DPYD: variants seen among roughly 807,000 people sequenced by gnomAD.
The protein encoded by DPYD is dihydropyrimidine dehydrogenase, also known as dihydropyrimidine dehydrogenase [NADP(+)].
DPYD carries 109 observed loss-of-function variants against 116.2 expected under a neutral mutation model. The ratio of observed to expected loss-of-function variants is 0.94; its 90% CI spans 0.80 to 1.10. The LOEUF is 1.10. Ranked by LOEUF, DPYD falls within the 50% of genes least tolerant of loss-of-function variation. DPYD has a pLI of 0.00. For missense variants in DPYD, 1,302 were observed against 1,254.5 expected, an observed-to-expected ratio of 1.04 and a Z score of -0.57; for synonymous variants, 440 against 432.0, an observed-to-expected ratio of 1.02 and a Z score of -0.23.
chr1:97,665,871 A>G (rs1659529648), intron 8 of DPYD, among the ~76,000 whole-genome samples: 1 of 152,162 alleles, frequency 6.6e-6, no homozygotes, highest in African/African-American at 2.4e-5. Flanking sequence ...TATGCTCTGG[A>G]TGGCTTTTTG....
At chr1:97,524,033 T>C (rs769260221) in intron 12 of DPYD, among the ~76,000 whole-genome samples, 2 of 150,578 alleles carry the variant, frequency 1.3e-5, no homozygotes, top group African/African-American at 2.5e-5. Flanking sequence ...AAAAAAAAAG[T>C]CTAGTAAGCC....
intron 18 of DPYD, among the ~76,000 whole-genome samples, chr1:97,237,942 G>A (rs1472995658): frequency 1.3e-5 from 2 of 152,010 alleles, no homozygotes; most frequent in African/African-American, 4.8e-5. Flanking sequence ...ACAGTAAGGG[G>A]TAAAATTTCA....
chr1:97,821,095 C>T (rs1446391609), intron 3 of DPYD, among the ~76,000 whole-genome samples: 3 of 151,986 alleles, frequency 2.0e-5, no homozygotes, highest in African/African-American at 7.2e-5. Flanking sequence ...ACATTGGAGG[C>T]CGAGGAGGGC....
At chr1:97,200,026 T>A (rs1000113238) in intron 19 of DPYD, among the ~76,000 whole-genome samples, 1 of 152,190 alleles carries the variant, frequency 6.6e-6, no homozygotes, top group Non-Finnish European at 1.5e-5. Context: ...ATTAAAAATA[T>A]TTATCCCAGG....
chr1:97,350,502 C>G, intron 16 of DPYD, among the ~76,000 whole-genome samples: 1 of 152,086 alleles, frequency 6.6e-6, no homozygotes. Flanking sequence ...TCCCATTTGA[C>G]AAATCCAAGG....
intron 18 of DPYD, among the ~76,000 whole-genome samples, chr1:97,243,404 A>G (rs934032508): frequency 6.6e-6 from 1 of 151,922 alleles, no homozygotes; most frequent in Admixed American, 6.6e-5. Flanking sequence ...TGAAATAGAT[A>G]TTTCTGTCTC....
intron 8 of DPYD, among the ~76,000 whole-genome samples, chr1:97,624,998 A>C (rs1395103555): frequency 6.6e-6 from 1 of 152,028 alleles, no homozygotes; most frequent in Non-Finnish European, 1.5e-5. Flanking sequence ...GTAAAATCTC[A>C]GACCATAAGT....
intron 13 of DPYD, among the ~76,000 whole-genome samples, chr1:97,471,990 A>C (rs1482094011): frequency 3.3e-5 from 5 of 152,240 alleles, no homozygotes; most frequent in Non-Finnish European, 4.4e-5. Flanking sequence ...AGGTTTAGAG[A>C]CTTAAAGACA....
chr1:97,896,099 G>A (rs961066805), intron 1 of DPYD, among the ~76,000 whole-genome samples: 11 of 151,644 alleles, frequency 7.3e-5, no homozygotes, highest in Non-Finnish European at 1.3e-4. Context: ...GGGTCCCTAG[G>A]ATTTAGTATA....
chr1:97,897,947 G>A (rs180727901), intron 1 of DPYD, among the ~76,000 whole-genome samples: 22 of 151,656 alleles, frequency 1.5e-4, no homozygotes, highest in Admixed American at 9.2e-4. Flanking sequence ...TGATATTTTC[G>A]CATTCCTATA....
chr1:97,429,334 G>A (rs1041663905), intron 14 of DPYD, among the ~76,000 whole-genome samples: 7 of 151,890 alleles, frequency 4.6e-5, no homozygotes, highest in Non-Finnish European at 8.8e-5. Context: ...TAAAAAAGTG[G>A]TATGCTTCTT....
chr1:97,584,503 G>A (rs1377560750), intron 10 of DPYD, among the ~76,000 whole-genome samples: 1 of 151,980 alleles, frequency 6.6e-6, no homozygotes, highest in East Asian at 1.9e-4. Flanking sequence ...TGTCCTGAAT[G>A]GTATTGCCTA....
At chr1:97,664,249 CTT>C (rs1571152180) in intron 8 of DPYD, among the ~76,000 whole-genome samples, 3 of 151,742 alleles carry the variant, frequency 2.0e-5, no homozygotes, top group Admixed American at 1.3e-4. Flanking sequence ...TCTAAGGAAA[CTT>C]ATAAATATTA....
intron 8 of DPYD, among the ~76,000 whole-genome samples, chr1:97,605,079 T>C (rs1361617967): frequency 6.6e-6 from 1 of 152,118 alleles, no homozygotes; most frequent in Non-Finnish European, 1.5e-5. Context: ...AGACTATGGC[T>C]GAAAATGCCA....
intron 14 of DPYD, among the ~76,000 whole-genome samples, chr1:97,384,312 GT>G (rs1672178521): frequency 6.7e-6 from 1 of 150,100 alleles, no homozygotes; most frequent in Admixed American, 6.6e-5. Context: ...ATAGAAAGTT[GT>G]GACCATATTG....
intron 3 of DPYD, among the ~76,000 whole-genome samples, chr1:97,745,303 T>C (rs192574913): frequency 3.9e-5 from 6 of 152,232 alleles, no homozygotes; most frequent in Admixed American, 2.0e-4. Flanking sequence ...CCTGTGATGT[T>C]CATGTTTTGA....
intron 18 of DPYD, among the ~76,000 whole-genome samples, chr1:97,260,620 C>T (rs958694934): frequency 6.6e-6 from 1 of 151,966 alleles, no homozygotes; most frequent in African/African-American, 2.4e-5. Context: ...GAAATAGTTG[C>T]ATGGATAAAC....
At chr1:97,861,155 G>C (rs1226284172) in intron 2 of DPYD, among the ~76,000 whole-genome samples, 1 of 151,662 alleles carries the variant, frequency 6.6e-6, no homozygotes, top group African/African-American at 2.4e-5. Flanking sequence ...ATAAATTAAG[G>C]GAAAATGATA....
intron 8 of DPYD, among the ~76,000 whole-genome samples, chr1:97,642,736 T>C (rs1284658770): frequency 1.6e-5 from 1 of 61,078 alleles, no homozygotes. Context: ...TGTTGTGGGG[T>C]GGGGGGAGGG....
Sources: gnomAD v4.1 joint callset for allele counts (sites outside exome capture counted in the v4.1 genomes callset) on GRCh38, gnomAD v4.1.1 for gene constraint, MANE v1.5 for transcripts, NCBI Gene and HGNC (gene_info 2026-07-23, HGNC 2026-07-21) for gene names.